The following PTCHD4 variants were observed in gnomAD, a reference collection of about 807,000 sequenced individuals.
The protein encoded by PTCHD4 is patched domain containing 4.
A neutral mutation model predicts 58.1 loss-of-function variants in PTCHD4; 33 were observed. That is an observed-to-expected ratio of 0.57 (90% CI 0.43 to 0.76). The LOEUF (loss-of-function observed/expected upper bound fraction) is 0.76, where lower values mean the gene tolerates loss of function less well. Ranked by LOEUF, PTCHD4 falls within the 30% of genes least tolerant of loss-of-function variation. The pLI is 0.00. For missense variants in PTCHD4, 1,058 were observed against 1,027.1 expected (o/e 1.03, Z -0.41); for synonymous variants, 478 against 409.6 (o/e 1.17, Z -2.02).
chr6:48,000,306 G>C (rs1343726509), intron 4 of PTCHD4, among the ~76,000 whole-genome samples: 4 of 152,138 alleles, frequency 2.6e-5, no homozygotes, highest in Admixed American at 1.3e-4. Flanking sequence ...CAATTTTCAT[G>C]ATCTGTCATT....
chr6:48,077,963 G>T (rs1765091693), intron 1 of PTCHD4, among the ~76,000 whole-genome samples: 1 of 152,102 alleles, frequency 6.6e-6, no homozygotes, highest in African/African-American at 2.4e-5. Context: ...TAGACACAAA[G>T]TGAGCACATG....
chr6:48,023,887 A>G (rs1025146742), intron 3 of PTCHD4, among the ~76,000 whole-genome samples: 3 of 152,140 alleles, frequency 2.0e-5, no homozygotes, highest in Admixed American at 2.0e-4. Flanking sequence ...GGGTCATATG[A>G]CCTGGTTACC....
chr6:48,051,607 T>C (rs1005147872), intron 3 of PTCHD4, among the ~76,000 whole-genome samples: 2 of 151,984 alleles, frequency 1.3e-5, no homozygotes, highest in Non-Finnish European at 2.9e-5. Context: ...TCCATACCCA[T>C]AAAATTTTCC....
chr6:47,915,299 G>A (rs1765210020), intron 4 of PTCHD4, among the ~76,000 whole-genome samples: 4 of 152,134 alleles, frequency 2.6e-5, no homozygotes, highest in Admixed American at 2.6e-4. Flanking sequence ...TGCTAGGTAT[G>A]TTGATTTATG....
intron 1 of PTCHD4, among the ~76,000 whole-genome samples, chr6:48,084,807 G>A (rs188469097): frequency 6.7e-6 from 1 of 148,626 alleles, no homozygotes; most frequent in African/African-American, 2.5e-5. Context: ...GCAGTGGCAC[G>A]ATCTCAGCTC....
chr6:47,883,712 G>T (rs936377244), intron 4 of PTCHD4, among the ~76,000 whole-genome samples: 1 of 151,908 alleles, frequency 6.6e-6, no homozygotes, highest in African/African-American at 2.4e-5. Flanking sequence ...CTTTATTGTC[G>T]GGGACTGTCA....
intron 4 of PTCHD4, among the ~76,000 whole-genome samples, chr6:47,912,402 G>A (rs1355784746): frequency 6.6e-6 from 1 of 152,004 alleles, no homozygotes; most frequent in Non-Finnish European, 1.5e-5. Context: ...ATTTTGAGTA[G>A]GAGAATTCTG....
At chr6:47,967,728 G>T (rs1767346713) in intron 4 of PTCHD4, among the ~76,000 whole-genome samples, 1 of 152,156 alleles carries the variant, frequency 6.6e-6, no homozygotes, top group African/African-American at 2.4e-5. Context: ...TTATGTTATG[G>T]AAACATCTTC....
At chr6:47,965,724 C>G (rs112690056) in intron 4 of PTCHD4, among the ~76,000 whole-genome samples, 4,146 of 152,144 alleles carry the variant, frequency 0.027, 95 homozygotes, top group African/African-American at 0.055. Context: ...GTCAGGAAAT[C>G]GAGACCATCT....
At chr6:47,982,963 T>TA (rs1385596116) in intron 4 of PTCHD4, among the ~76,000 whole-genome samples, 6 of 152,194 alleles carry the variant, frequency 3.9e-5, no homozygotes, top group Non-Finnish European at 8.8e-5. Flanking sequence ...CGTTGAAATT[T>TA]TTTAAAAGGC....
At chr6:47,937,179 A>G (rs963680675) in intron 4 of PTCHD4, among the ~76,000 whole-genome samples, 4 of 152,196 alleles carry the variant, frequency 2.6e-5, no homozygotes, top group Non-Finnish European at 5.9e-5. Context: ...TGAGTCATGG[A>G]AAAGCATGCC....
chr6:47,981,833 T>TC (rs1767891908), intron 4 of PTCHD4, among the ~76,000 whole-genome samples: 1 of 152,168 alleles, frequency 6.6e-6, no homozygotes, highest in Admixed American at 6.5e-5. Context: ...AAGTGGCAGT[T>TC]CCCTAGATTA....
At chr6:47,896,111 C>A (rs773545698) in intron 4 of PTCHD4, among the ~76,000 whole-genome samples, 17 of 152,298 alleles carry the variant, frequency 1.1e-4, no homozygotes, top group Non-Finnish European at 1.8e-4. Flanking sequence ...CCCCTGTGAT[C>A]ATCTCTTAAC....
chr6:48,043,817 C>G (rs1763934445), intron 3 of PTCHD4, among the ~76,000 whole-genome samples: 1 of 151,832 alleles, frequency 6.6e-6, no homozygotes, highest in South Asian at 2.1e-4. Flanking sequence ...ATCAGATGCA[C>G]TGTAAAAGTT....
At position 47,878,594 on chromosome 6, in the gene PTCHD4, G is replaced by A. The variant is rs1400570215; in HGVS notation, c.2241C>T (p.Ser747=). 6.2e-7 allele frequency: 1 copy of A among 1,613,496 alleles called. No individual in the cohort carries two copies. The highest frequency in any genetic ancestry group is 8.5e-7 in the Non-Finnish European group (1 of 1,179,760). Residue 747 remains serine, a synonymous_variant, in exon 5 of 5, where the codon AGC becomes AGT. Transcript: ENST00000339488. The stretch of plus-strand genomic sequence containing the variant: ...TGGCTGTCCCATGGTCTTGCAAGGA[G>A]CTTTTTATACATTGTGTTCGGGTGT... ...TEHTRTQCIK[S]SLQDHGTAIL...
intron 4 of PTCHD4, among the ~76,000 whole-genome samples, chr6:47,989,154 A>G (rs1032746610): frequency 2.6e-5 from 4 of 152,308 alleles, no homozygotes; most frequent in Admixed American, 2.6e-4. Flanking sequence ...CCCCTGCACT[A>G]GAGATTTGTG....
intron 3 of PTCHD4, among the ~76,000 whole-genome samples, chr6:48,051,381 A>G (rs1764229014): frequency 6.6e-6 from 1 of 151,982 alleles, no homozygotes; most frequent in African/African-American, 2.4e-5. Context: ...TTAGCTGTGG[A>G]TGCTTCGGGA....
chr6:48,048,879 C>A (rs570823633), intron 3 of PTCHD4, among the ~76,000 whole-genome samples: 6 of 152,078 alleles, frequency 3.9e-5, no homozygotes, highest in African/African-American at 9.6e-5. Flanking sequence ...GTGGCTTTCA[C>A]TGGGAATCCT....
At chr6:47,944,590 G>C (rs1356952936) in intron 4 of PTCHD4, among the ~76,000 whole-genome samples, 4 of 152,038 alleles carry the variant, frequency 2.6e-5, no homozygotes, top group African/African-American at 4.8e-5. Flanking sequence ...AATTCTACTA[G>C]AAAACCTCCA....
Sources: gnomAD v4.1 joint callset for allele counts (sites outside exome capture counted in the v4.1 genomes callset) on GRCh38, gnomAD v4.1.1 for gene constraint, MANE v1.5 for transcripts, NCBI Gene and HGNC (gene_info 2026-07-23, HGNC 2026-07-21) for gene names.